Variants in ADGRA3 observed in about 807,000 individuals in gnomAD.
The protein encoded by ADGRA3 is adhesion G protein-coupled receptor A3, also known as G-protein coupled receptor 125.
ADGRA3 carries 56 observed loss-of-function variants against 119.8 expected under a neutral mutation model. The ratio of observed to expected loss-of-function variants is 0.47; its 90% CI spans 0.38 to 0.58. The LOEUF is 0.58. ADGRA3 is among the 20% of genes least tolerant of loss of function. The pLI is 0.00. For synonymous variants in ADGRA3, 607 were observed against 623.8 expected, an observed-to-expected ratio of 0.97 and a Z score of 0.40; for missense variants, 1,516 against 1,649.0, an observed-to-expected ratio of 0.92 and a Z score of 1.40.
rs117165920 is a variant in ADGRA3 at position 22,466,453 on chromosome 4, G to A, written c.330-4645C>T. Among the ~76,000 whole-genome samples, 1,233 of 152,278 alleles carry A rather than the reference G, an allele frequency of 8.1e-3. 29 individuals are homozygous for A. Among genetic ancestry groups the A allele is most frequent in the East Asian group, 0.071 (367 of 5,168 alleles). ...AGAAAAATACCTGTGAATGCTGGGCGCATTGGCTCACGCCTATAATCCCAG... is the reference window on the plus strand; with the variant it reads ...AGAAAAATACCTGTGAATGCTGGGCACATTGGCTCACGCCTATAATCCCAG... On this transcript the variant is annotated intron_variant, in intron 2 of 18. Coordinates refer to ENST00000334304, the MANE Select transcript of ADGRA3 (RefSeq NM_145290.4).
intron 12 of ADGRA3, chr4:22,414,131 G>A (rs755066414): frequency 2.8e-4 from 64 of 226,978 alleles, no homozygotes; most frequent in Admixed American, 1.1e-3. Flanking sequence ...ACAGATCAAG[G>A]ATCTCAATGA....
chr4:22,413,650 A>G lies in ADGRA3; in HGVS notation c.1974T>C (p.Asp658=), dbSNP rs2109024141. 1 of 1,614,070 alleles carries G rather than the reference A, an allele frequency of 6.2e-7. No homozygotes were observed. Among genetic ancestry groups the G allele is most frequent in the Non-Finnish European group, 8.5e-7 (1 of 1,179,946 alleles). Reference sequence around the variant, plus strand: ...TAACCACAGTACGTCGTTTTCCATCATCAGCCAAATTTGTTGAATTTCCAG... The same window carrying G: ...TAACCACAGTACGTCGTTTTCCATCGTCAGCCAAATTTGTTGAATTTCCAG... ...PATGNSTNLA[D]DGKRRTVVTP... is the part of the protein sequence containing the mutation. The change falls in exon 13 of 19, where the codon GAT becomes GAC. Residue 658 remains aspartate, a synonymous_variant. Transcript: ENST00000334304.
chr4:22,414,400 G>A, intron 12 of ADGRA3: 1 of 462,450 alleles, frequency 2.2e-6, no homozygotes, highest in Non-Finnish European at 3.8e-6. Flanking sequence ...AACTGAAAAT[G>A]CTGACTGATC....
At chr4:22,417,486 C>T (rs1266030685) in intron 12 of ADGRA3, among the ~76,000 whole-genome samples, 1 of 152,152 alleles carries the variant, frequency 6.6e-6, no homozygotes, top group Non-Finnish European at 1.5e-5. Context: ...CTCAACAACC[C>T]TTCGAGTTAA....
chr4:22,479,419 C>G (rs376437115), intron 1 of ADGRA3, among the ~76,000 whole-genome samples: 3 of 151,090 alleles, frequency 2.0e-5, no homozygotes, highest in African/African-American at 7.3e-5. Flanking sequence ...GCCGAGATCA[C>G]GCCACTGCAC....
At chr4:22,463,482 C>T (rs1331085939) in intron 2 of ADGRA3, among the ~76,000 whole-genome samples, 1 of 152,174 alleles carries the variant, frequency 6.6e-6, no homozygotes, top group East Asian at 1.9e-4. Context: ...GGAAAATCCT[C>T]AGTTTGCCTT....
At chr4:22,477,344 G>C (rs553420393) in intron 1 of ADGRA3, among the ~76,000 whole-genome samples, 2 of 152,238 alleles carry the variant, frequency 1.3e-5, no homozygotes, top group South Asian at 4.1e-4. Flanking sequence ...TTTCTAGGTA[G>C]ACTTCAACTT....
chr4:22,399,043 C>A (rs1714496104), intron 16 of ADGRA3, among the ~76,000 whole-genome samples: 1 of 152,188 alleles, frequency 6.6e-6, no homozygotes, highest in Non-Finnish European at 1.5e-5. Flanking sequence ...CATTGTCAGG[C>A]TTAACTTCTG....
chr4:22,511,243 A>T (rs1424536464), intron 1 of ADGRA3, among the ~76,000 whole-genome samples: 2 of 152,248 alleles, frequency 1.3e-5, no homozygotes, highest in Non-Finnish European at 2.9e-5. Flanking sequence ...TACATTATTG[A>T]GCAAGATTTA....
At chr4:22,502,645 A>T (rs1719089094) in intron 1 of ADGRA3, among the ~76,000 whole-genome samples, 1 of 152,188 alleles carries the variant, frequency 6.6e-6, no homozygotes, top group Non-Finnish European at 1.5e-5. Flanking sequence ...GAAACATCAC[A>T]AACTGGGAGA....
chr4:22,435,165 T>G, intron 10 of ADGRA3, 146 bp downstream of exon 10: 1 of 668,526 alleles, frequency 1.5e-6, no homozygotes, highest in Non-Finnish European at 2.6e-6. Context: ...GAGGCAGAAG[T>G]ATCTCAATAA....
chr4:22,492,112 C>A (rs904792928), intron 1 of ADGRA3, among the ~76,000 whole-genome samples: 2 of 152,150 alleles, frequency 1.3e-5, no homozygotes, highest in Non-Finnish European at 2.9e-5. Context: ...CATGTTACAG[C>A]ACCACAGTAG....
intron 16 of ADGRA3, among the ~76,000 whole-genome samples, chr4:22,400,538 A>G (rs1500451): frequency 0.81 from 122,865 of 151,956 alleles, 49,831 homozygotes; most frequent in East Asian, 0.98. Context: ...ATAAGATTGG[A>G]GGAGAAGAAA....
At chr4:22,479,021 C>A (rs1396076639) in intron 1 of ADGRA3, among the ~76,000 whole-genome samples, 1 of 151,938 alleles carries the variant, frequency 6.6e-6, no homozygotes, top group African/African-American at 2.4e-5. Context: ...ACAAAGAATT[C>A]TCTAAAAAAA....
intron 10 of ADGRA3, among the ~76,000 whole-genome samples, chr4:22,427,580 G>C (rs1715994778): frequency 6.6e-6 from 1 of 152,172 alleles, no homozygotes; most frequent in South Asian, 2.1e-4. Flanking sequence ...ATGGAGGAAA[G>C]GGATTTGTTG....
intron 1 of ADGRA3, among the ~76,000 whole-genome samples, chr4:22,513,143 CTTTT>C (rs142313161): frequency 2.2e-5 from 3 of 133,492 alleles, no homozygotes; most frequent in Non-Finnish European, 1.6e-5. Context: ...CAACTTTCCT[CTTTT>C]TTTTTTTTTT....
intron 2 of ADGRA3, among the ~76,000 whole-genome samples, chr4:22,472,423 AG>A (rs1336521749): frequency 6.6e-6 from 1 of 152,200 alleles, no homozygotes; most frequent in East Asian, 1.9e-4. Context: ...CCTAAAGCCA[AG>A]GGTGTGATCA....
chr4:22,483,869 A>T (rs1718331562), intron 1 of ADGRA3, among the ~76,000 whole-genome samples: 1 of 152,224 alleles, frequency 6.6e-6, no homozygotes, highest in Non-Finnish European at 1.5e-5. Flanking sequence ...AGTTGAGGAG[A>T]GGCTGGAGGG....
intron 13 of ADGRA3, 67 bp downstream of exon 13, chr4:22,413,534 T>C: frequency 6.8e-7 from 1 of 1,477,738 alleles, no homozygotes; most frequent in Non-Finnish European, 9.4e-7. Flanking sequence ...ATAAGCATTT[T>C]TAGGAACAGT....
Sources: gnomAD v4.1 joint callset for allele counts (sites outside exome capture counted in the v4.1 genomes callset) on GRCh38, gnomAD v4.1.1 for gene constraint, MANE v1.5 for transcripts, NCBI Gene and HGNC (gene_info 2026-07-23, HGNC 2026-07-21) for gene names.